SYBU: variants seen among roughly 807,000 people sequenced by gnomAD.
The protein encoded by SYBU is syntabulin, also known as GOLSYN A protein.
SYBU carries 21 observed loss-of-function variants against 35.9 expected under a neutral mutation model. The ratio of observed to expected loss-of-function variants is 0.58; its 90% CI spans 0.41 to 0.84. The LOEUF (loss-of-function observed/expected upper bound fraction) is 0.84, where lower values mean the gene tolerates loss of function less well. Among genes scored for constraint, SYBU ranks in the 40% least tolerant of loss-of-function variants. The pLI, the probability that SYBU is intolerant of heterozygous loss-of-function variation, is 0.00. For missense variants in SYBU, 768 were observed against 848.2 expected, an observed-to-expected ratio of 0.91 and a Z score of 1.17; for synonymous variants, 319 against 324.3, an observed-to-expected ratio of 0.98 and a Z score of 0.18.
intron 2 of SYBU, among the ~76,000 whole-genome samples, chr8:109,636,341 A>G (rs1814228929): frequency 1.3e-5 from 2 of 152,186 alleles, no homozygotes; most frequent in Non-Finnish European, 1.5e-5. Context: ...GTGTGAATGA[A>G]AGGGACTGGG....
At chr8:109,603,133 T>A (rs1178970906) in intron 3 of SYBU, among the ~76,000 whole-genome samples, 1 of 152,216 alleles carries the variant, frequency 6.6e-6, no homozygotes, top group Non-Finnish European at 1.5e-5. Flanking sequence ...CCTACTTCTG[T>A]CTTCCTTCTC....
intron 1 of SYBU, chr8:109,643,478 A>C (rs1815167529): frequency 6.5e-6 from 1 of 153,114 alleles, no homozygotes; most frequent in Non-Finnish European, 1.5e-5. Flanking sequence ...CAGGATCTTA[A>C]TTATTCGTTA....
intron 6 of SYBU, among the ~76,000 whole-genome samples, chr8:109,576,543 A>C (rs1822340994): frequency 6.6e-6 from 1 of 152,220 alleles, no homozygotes; most frequent in Admixed American, 6.5e-5. Flanking sequence ...AGGTAGACTG[A>C]TAAGTTTTAG....
chr8:109,616,775 T>C (rs114208207), intron 3 of SYBU, among the ~76,000 whole-genome samples: 4,170 of 152,074 alleles, frequency 0.027, 183 homozygotes, highest in African/African-American at 0.096. Flanking sequence ...AGCCTACCTT[T>C]GCTGTTGAGG....
intron 1 of SYBU, among the ~76,000 whole-genome samples, chr8:109,690,218 A>T (rs1330397916): frequency 8.2e-6 from 1 of 122,444 alleles, no homozygotes; most frequent in African/African-American, 2.8e-5. Flanking sequence ...TGAAGCATAT[A>T]AAAAAAAATG....
intron 3 of SYBU, among the ~76,000 whole-genome samples, chr8:109,596,180 C>T (rs200621020): frequency 2.7e-4 from 41 of 152,250 alleles, no homozygotes; most frequent in African/African-American, 5.5e-4. Flanking sequence ...TTTTTCTATA[C>T]GTGAATGACA....
intron 2 of SYBU, among the ~76,000 whole-genome samples, chr8:109,639,415 G>A (rs907134980): frequency 6.6e-6 from 1 of 152,194 alleles, no homozygotes; most frequent in African/African-American, 2.4e-5. Flanking sequence ...TGAGGAAAGA[G>A]TCTCCAGTTT....
intron 2 of SYBU, among the ~76,000 whole-genome samples, chr8:109,640,049 G>A (rs1192827881): frequency 6.6e-6 from 1 of 152,194 alleles, no homozygotes; most frequent in East Asian, 1.9e-4. Flanking sequence ...AGAGAGATGA[G>A]GGAGAGGCCC....
At chr8:109,616,691 A>G (rs1811830675) in intron 3 of SYBU, among the ~76,000 whole-genome samples, 1 of 148,334 alleles carries the variant, frequency 6.7e-6, no homozygotes. Context: ...TCATGATGAA[A>G]CATACTTTTT....
At chr8:109,652,003 T>A (rs144806709) in intron 1 of SYBU, among the ~76,000 whole-genome samples, 1 of 152,318 alleles carries the variant, frequency 6.6e-6, no homozygotes, top group South Asian at 2.1e-4. Context: ...ATTCATTCAT[T>A]CATCCATCCA....
chr8:109,666,667 G>A (rs1457694280), intron 1 of SYBU, among the ~76,000 whole-genome samples: 2 of 152,106 alleles, frequency 1.3e-5, no homozygotes, highest in Non-Finnish European at 1.5e-5. Flanking sequence ...GCATGCTAGT[G>A]GTGGGGGTTG....
chr8:109,624,632 T>C (rs1812784944), intron 2 of SYBU, among the ~76,000 whole-genome samples: 1 of 152,192 alleles, frequency 6.6e-6, no homozygotes, highest in Non-Finnish European at 1.5e-5. Context: ...TCTGATGGGA[T>C]GTGATATGAG....
intron 3 of SYBU, among the ~76,000 whole-genome samples, chr8:109,591,958 T>C (rs1824329138): frequency 6.6e-6 from 1 of 152,098 alleles, no homozygotes; most frequent in Admixed American, 6.5e-5. Flanking sequence ...GGAATGAATT[T>C]ACCCTCTCTC....
chr8:109,649,470 A>G (rs1016084433), upstream of SYBU, among the ~76,000 whole-genome samples: 4 of 152,200 alleles, frequency 2.6e-5, no homozygotes, highest in Admixed American at 6.5e-5. Context: ...ATGCTTGAAC[A>G]TTCACTGGGC....
intron 1 of SYBU, among the ~76,000 whole-genome samples, chr8:109,674,947 C>T (rs1817129563): frequency 6.6e-6 from 1 of 152,146 alleles, no homozygotes; most frequent in South Asian, 2.1e-4. Flanking sequence ...GTCTCTCAGA[C>T]CACAGTGCAA....
Position 109,579,986 on chromosome 8 carries a change from G to A in SYBU, c.547C>T (p.Arg183Trp), listed in dbSNP as rs761014767. The change falls in exon 5 of 7, where the codon CGG becomes TGG. Residue 183 changes from arginine to tryptophan, a missense_variant. Physicochemically the swap from Arg to Trp is moderately radical, Grantham distance 101. Transcript: ENST00000276646. ...SSSRNRGPHGRSNGASSHKPG... is the reference protein window; with the variant it reads ...SSSRNRGPHGWSNGASSHKPG... ...TTGTGTGACGAAGCTCCATTACTCCGCCCATGAGGACCTCGACTGGGAGAA... is the reference window on the plus strand; with the variant it reads ...TTGTGTGACGAAGCTCCATTACTCCACCCATGAGGACCTCGACTGGGAGAA... 35 of 1,612,844 alleles carry A rather than the reference G, an allele frequency of 2.2e-5. No individual in the cohort carries two copies. The highest frequency in any genetic ancestry group is 5.5e-5 in the South Asian group (5 of 91,026).
intron 2 of SYBU, among the ~76,000 whole-genome samples, chr8:109,640,304 T>A (rs867728730): frequency 9.2e-5 from 14 of 152,306 alleles, no homozygotes; most frequent in African/African-American, 2.6e-4. Context: ...AAATCAATAA[T>A]CATATTGGTT....
chr8:109,580,444 A>G (rs1822894665), intron 4 of SYBU: 1 of 174,058 alleles, frequency 5.7e-6, no homozygotes, highest in Non-Finnish European at 1.3e-5. Context: ...GTTCATTTGG[A>G]GGATGGGGGA....
chr8:109,689,216 C>T (rs980074808), intron 1 of SYBU, among the ~76,000 whole-genome samples: 28 of 152,084 alleles, frequency 1.8e-4, no homozygotes, highest in Non-Finnish European at 3.5e-4. Context: ...TACCCTTCAC[C>T]GGGTCTTCCC....
Sources: gnomAD v4.1 joint callset for allele counts (sites outside exome capture counted in the v4.1 genomes callset) on GRCh38, gnomAD v4.1.1 for gene constraint, MANE v1.5 for transcripts, NCBI Gene and HGNC (gene_info 2026-07-23, HGNC 2026-07-21) for gene names.